SEPTIN7: variants seen among roughly 807,000 people sequenced by gnomAD.
SEPTIN7 encodes septin-7.
SEPTIN7 carries 10 observed loss-of-function variants against 63.3 expected under a neutral mutation model. That is an observed-to-expected ratio of 0.16 (90% CI 0.10 to 0.27). The LOEUF (loss-of-function observed/expected upper bound fraction) is 0.27, where lower values mean the gene tolerates loss of function less well. Ranked by LOEUF, SEPTIN7 falls within the 10% of genes least tolerant of loss-of-function variation. The pLI is 1.00. For synonymous variants in SEPTIN7, 131 were observed against 165.3 expected, an observed-to-expected ratio of 0.79 and a Z score of 1.59; for missense variants, 310 against 521.0, an observed-to-expected ratio of 0.59 and a Z score of 3.94.
rs1583601061 is a variant in SEPTIN7 at position 35,874,094 on chromosome 7, C to G, written c.512+319C>G. 1.5e-5 allele frequency: 3 copies of G among 205,952 alleles called. No individual in the cohort carries two copies. In the South Asian group the frequency reaches 4.2e-4, roughly 29 times the overall value. The allele number at this position is 205,952 out of a possible 1,614,324, so 12.8% of individuals were successfully genotyped here. A position where few individuals can be genotyped will look rare whatever the true frequency, so the allele number is the denominator to read the frequency against. On this transcript the variant is annotated intron_variant, in intron 6 of 13. Coordinates refer to ENST00000350320, the MANE Select transcript of SEPTIN7 (RefSeq NM_001788.6). ...ACCACTCTGCTACTAATAGAAATAC[C>G]AAATAAAGAGAAGCAGCCATACCAG... is the stretch of plus-strand genomic sequence containing the variant.
intron 1 of SEPTIN7, among the ~76,000 whole-genome samples, chr7:35,820,657 A>G (rs1583503601): frequency 6.6e-6 from 1 of 152,246 alleles, no homozygotes; most frequent in East Asian, 1.9e-4. Context: ...AGTTCTTTGA[A>G]CATATCTAAA....
At chr7:35,868,625 A>G (rs1181388322) in intron 4 of SEPTIN7, among the ~76,000 whole-genome samples, 1 of 152,084 alleles carries the variant, frequency 6.6e-6, no homozygotes, top group Non-Finnish European at 1.5e-5. Context: ...AGGGATGAAA[A>G]GGGATACCTA....
intron 11 of SEPTIN7, 65 bp downstream of exon 11, chr7:35,890,858 T>G (rs902012130): frequency 7.9e-7 from 1 of 1,271,696 alleles, no homozygotes; most frequent in Admixed American, 3.8e-5. Flanking sequence ...ATTGTTTCAT[T>G]TTCATTAAAT....
intron 1 of SEPTIN7, among the ~76,000 whole-genome samples, chr7:35,821,005 A>C (rs1334588086): frequency 6.6e-6 from 1 of 152,196 alleles, no homozygotes; most frequent in African/African-American, 2.4e-5. Flanking sequence ...GGACTACCAG[A>C]CACATCAAAT....
At position 35,848,337 on chromosome 7, in the gene SEPTIN7, G is replaced by A. The variant is rs563449604; in HGVS notation, c.170-15215G>A. 3.1e-3 allele frequency among the ~76,000 whole-genome samples: 472 copies of A among 151,280 alleles called. 4 individuals are homozygous for A. The highest frequency in any genetic ancestry group is 0.011 in the African/African-American group (456 of 41,142). ...GGCTGGAGTACAGTGGTGTGATCTC[G>A]GCTCACTGCAAGCTCCGCCTCCCGG... is the stretch of plus-strand genomic sequence containing the variant. On this transcript the variant is annotated intron_variant, in intron 3 of 13. Transcript: ENST00000350320.
intron 1 of SEPTIN7, among the ~76,000 whole-genome samples, chr7:35,801,512 T>TGCCGCGGCGGGCTGGCCCCCGGCGCAGA (rs1485172197): frequency 6.7e-6 from 1 of 149,818 alleles, no homozygotes; most frequent in African/African-American, 2.5e-5. Context: ...GCATTTCCTG[T>TGCCGCGGCGGGCTGGCCCCCGGCGCAGA]GCCGCGGCGG....
intron 3 of SEPTIN7, among the ~76,000 whole-genome samples, chr7:35,858,530 A>G (rs567089101): frequency 4.6e-5 from 7 of 150,912 alleles, no homozygotes; most frequent in South Asian, 2.1e-4. Flanking sequence ...TAATTTTTGT[A>G]TTTTTAGTAG....
chr7:35,871,569 T>C (rs1195318995), intron 4 of SEPTIN7, among the ~76,000 whole-genome samples: 2 of 152,186 alleles, frequency 1.3e-5, no homozygotes, highest in East Asian at 1.9e-4. Context: ...GAAAGTGTTA[T>C]TGGATAGTGT....
chr7:35,906,245 A>G lies in SEPTIN7; in HGVS notation c.*1952A>G, dbSNP rs1174156385. 3.3e-5 allele frequency: 5 copies of G among 152,216 alleles called. No homozygotes were observed. Among genetic ancestry groups the G allele is most frequent in the Admixed American group, 1.3e-4 (2 of 15,286 alleles). The allele number at this position is 152,216 out of a possible 1,614,324, so 9.4% of individuals were successfully genotyped here. A position where few individuals can be genotyped will look rare whatever the true frequency, so the allele number is the denominator to read the frequency against. Reference sequence around the variant, plus strand: ...AAATTTGTAAGACATTCATTATTCTACCATCCTAATGAAAACTTTCAGAAG... The same window carrying G: ...AAATTTGTAAGACATTCATTATTCTGCCATCCTAATGAAAACTTTCAGAAG... On this transcript the variant is annotated 3_prime_UTR_variant, in exon 14 of 14. Coordinates refer to ENST00000350320, the MANE Select transcript of SEPTIN7 (RefSeq NM_001788.6).
chr7:35,903,546 G>A (rs1335360185), intron 13 of SEPTIN7, among the ~76,000 whole-genome samples: 1 of 151,988 alleles, frequency 6.6e-6, no homozygotes, highest in Non-Finnish European at 1.5e-5. Flanking sequence ...TCAATTTTTG[G>A]CACACAAAGG....
chr7:35,882,097 A>G (rs1462726135), intron 7 of SEPTIN7, among the ~76,000 whole-genome samples: 1 of 152,014 alleles, frequency 6.6e-6, no homozygotes, highest in African/African-American at 2.4e-5. Context: ...TTATTCAACT[A>G]AATAAGATAC....
chr7:35,840,346 G>A (rs1003909736), intron 3 of SEPTIN7, among the ~76,000 whole-genome samples: 3 of 149,112 alleles, frequency 2.0e-5, no homozygotes, highest in African/African-American at 7.4e-5. Context: ...GCAGCCTTGA[G>A]CCCCTGGACT....
intron 3 of SEPTIN7, among the ~76,000 whole-genome samples, chr7:35,863,195 A>G (rs1785607022): frequency 6.6e-6 from 1 of 152,104 alleles, no homozygotes; most frequent in South Asian, 2.1e-4. Flanking sequence ...ATTAGTAAAG[A>G]AAAACTTTAT....
intron 1 of SEPTIN7, among the ~76,000 whole-genome samples, chr7:35,805,341 A>G (rs1788263156): frequency 6.6e-6 from 1 of 152,232 alleles, no homozygotes; most frequent in African/African-American, 2.4e-5. Flanking sequence ...GACATACTGC[A>G]TGACTATACT....
rs778995475 is a variant in SEPTIN7 at position 35,883,965 on chromosome 7, G to T, written c.798G>T (p.Gln266His). 6.2e-7 allele frequency: 1 copy of T among 1,607,984 alleles called. No homozygotes were observed. The highest frequency in any genetic ancestry group is 8.5e-7 in the Non-Finnish European group (1 of 1,175,062). The change falls in exon 9 of 14, where the codon CAG (glutamine) becomes CAT (histidine). Residue 266 changes from glutamine (Q) to histidine (H), a missense_variant. Transcript: ENST00000350320. ...EVNGKRVRGR[Q>H]YPWGVAEVEN... The stretch of plus-strand genomic sequence containing the variant: ...ATGGCAAAAGGGTCAGAGGAAGGCA[G>T]TATCCTTGGGGTGTTGCTGAAGGTA...
At chr7:35,915,581 A>T in the SEPTIN7 span, among the ~76,000 whole-genome samples, 3 of 152,186 alleles carry the variant, frequency 2.0e-5, no homozygotes, top group East Asian at 5.8e-4. Flanking sequence ...ACCGTTTTTC[A>T]TCTCTGCATG....
At chr7:35,890,258 T>A (rs1787551970) in intron 10 of SEPTIN7, among the ~76,000 whole-genome samples, 1 of 152,176 alleles carries the variant, frequency 6.6e-6, no homozygotes, top group Admixed American at 6.5e-5. Context: ...TATGTATTAA[T>A]AAAAACTCAT....
At chr7:35,848,097 G>T (rs1415632136) in intron 3 of SEPTIN7, 1 of 152,124 alleles carries the variant, frequency 6.6e-6, no homozygotes, top group Non-Finnish European at 1.5e-5. Flanking sequence ...CTTTTGTAGA[G>T]CCCTTTGCTG....
chr7:35,901,560 C>T (rs1788323311), intron 12 of SEPTIN7: 2 of 151,930 alleles, frequency 1.3e-5, no homozygotes, highest in South Asian at 2.1e-4. Context: ...GGCATCTGAC[C>T]CCATGGGTTT....
Sources: allele counts gnomAD v4.1 joint callset (sites outside exome capture counted in the v4.1 genomes callset), GRCh38; gene constraint gnomAD v4.1.1; transcripts MANE v1.5; gene names NCBI Gene and HGNC (gene_info 2026-07-23, HGNC 2026-07-21).